NKAIN3: variants seen among roughly 807,000 people sequenced by gnomAD.
The protein encoded by NKAIN3 is sodium/potassium-transporting ATPase subunit beta-1-interacting protein 3.
In NKAIN3, 25 loss-of-function variants were observed where a neutral mutation model predicts 30.2. The observed-to-expected ratio is 0.83, with a 90% CI of 0.60 to 1.16. The LOEUF is 1.16. Ranked by LOEUF, NKAIN3 falls within the 50% of genes most tolerant of loss-of-function variation. The probability of loss-of-function intolerance (pLI) is 0.00; values close to 1 mark genes in which losing one functional copy is unlikely to be tolerated. For synonymous variants in NKAIN3, 91 were observed against 89.6 expected (o/e 1.02, Z -0.09); for missense variants, 225 against 254.1 (o/e 0.89, Z 0.78).
chr8:62,377,528 C>T (rs1585739662), intron 1 of NKAIN3, among the ~76,000 whole-genome samples: 1 of 152,132 alleles, frequency 6.6e-6, no homozygotes, highest in South Asian at 2.1e-4. Context: ...AAATAATGGG[C>T]TCTAAGTGTA....
At chr8:62,748,855 A>AGGG (rs1816173488) in intron 4 of NKAIN3, among the ~76,000 whole-genome samples, 1 of 152,168 alleles carries the variant, frequency 6.6e-6, no homozygotes, top group African/African-American at 2.4e-5. Flanking sequence ...GTATAAATAT[A>AGGG]ATATACAGTC....
chr8:62,644,392 T>G (rs953613494), intron 3 of NKAIN3, among the ~76,000 whole-genome samples: 3 of 152,016 alleles, frequency 2.0e-5, no homozygotes, highest in Middle Eastern at 3.4e-3. Context: ...ACATCCTGAT[T>G]AAGAAATATA....
rs75918270 is a variant in NKAIN3, at chr8:62,537,739, T to A, written c.55-41800T>A. ...ATATCAGTTATGAATTCTTTAAGAA[T>A]CTCAGAAAATAAATCCTATTTGACA... is the stretch of plus-strand genomic sequence containing the variant. On this transcript the variant is annotated intron_variant, in intron 1 of 6. Coordinates refer to ENST00000623646, the MANE Select transcript of NKAIN3 (RefSeq NM_001304533.3). 4.5e-3 allele frequency among the ~76,000 whole-genome samples: 689 copies of A among 152,206 alleles called. 39 individuals are homozygous for A. The East Asian group carries it at 0.11, about 24-fold the overall frequency.
chr8:62,403,749 T>A (rs1217251807), intron 1 of NKAIN3, among the ~76,000 whole-genome samples: 2 of 152,120 alleles, frequency 1.3e-5, no homozygotes, highest in African/African-American at 4.8e-5. Context: ...TAGGAAAGTG[T>A]GGAAGGGAAA....
intron 1 of NKAIN3, among the ~76,000 whole-genome samples, chr8:62,299,823 AT>A (rs1404602088): frequency 6.6e-6 from 1 of 152,078 alleles, no homozygotes; most frequent in Non-Finnish European, 1.5e-5. Context: ...CTTTATTTTT[AT>A]TGCTTTTGTC....
At chr8:62,375,479 A>C (rs1481788157) in intron 1 of NKAIN3, among the ~76,000 whole-genome samples, 1 of 152,186 alleles carries the variant, frequency 6.6e-6, no homozygotes, top group African/African-American at 2.4e-5. Context: ...AGATCTGATT[A>C]AGACATAGTT....
chr8:62,803,935 A>AC (rs1818171955), intron 4 of NKAIN3, among the ~76,000 whole-genome samples: 1 of 152,230 alleles, frequency 6.6e-6, no homozygotes, highest in Non-Finnish European at 1.5e-5. Context: ...AGGGGATATC[A>AC]CCACTGATCC....
chr8:62,885,256 G>T (rs1162479841), intron 4 of NKAIN3, among the ~76,000 whole-genome samples: 1 of 152,040 alleles, frequency 6.6e-6, no homozygotes, highest in African/African-American at 2.4e-5. Context: ...TATTTCGAAG[G>T]ATGTTGCTTA....
chr8:62,839,323 C>T (rs114720798), intron 4 of NKAIN3, among the ~76,000 whole-genome samples: 190 of 141,544 alleles, frequency 1.3e-3, no homozygotes, highest in African/African-American at 4.8e-3. Flanking sequence ...AAAACAAAAA[C>T]GACTTTCACA....
chr8:62,953,878 A>C, intron 5 of NKAIN3, 24 bp from the exon 6 acceptor site: 2 of 820,426 alleles, frequency 2.4e-6, no homozygotes, highest in South Asian at 1.1e-4. Context: ...ACACTTATTC[A>C]TATGGCCTAT....
intron 1 of NKAIN3, among the ~76,000 whole-genome samples, chr8:62,274,129 G>A (rs973633572): frequency 6.6e-6 from 1 of 152,112 alleles, no homozygotes; most frequent in African/African-American, 2.4e-5. Flanking sequence ...AGTCCAATGA[G>A]CTCTTTATCT....
chr8:62,472,364 A>G (rs1235699473), intron 1 of NKAIN3, among the ~76,000 whole-genome samples: 1 of 152,194 alleles, frequency 6.6e-6, no homozygotes, highest in Non-Finnish European at 1.5e-5. Flanking sequence ...TCAGCAAGCC[A>G]GGGTTTGAGT....
At chr8:62,600,194 T>C (rs1448137118) in intron 3 of NKAIN3, among the ~76,000 whole-genome samples, 1 of 152,066 alleles carries the variant, frequency 6.6e-6, no homozygotes, top group Non-Finnish European at 1.5e-5. Flanking sequence ...ACTTACATAT[T>C]AGTAGTCTTA....
chr8:62,477,211 G>C (rs1248509748), intron 1 of NKAIN3, among the ~76,000 whole-genome samples: 1 of 152,204 alleles, frequency 6.6e-6, no homozygotes, highest in Non-Finnish European at 1.5e-5. Flanking sequence ...TTGCAGGAAT[G>C]AGGGCAAGGA....
intron 1 of NKAIN3, among the ~76,000 whole-genome samples, chr8:62,535,007 T>G (rs1416915959): frequency 6.6e-6 from 1 of 152,160 alleles, no homozygotes; most frequent in African/African-American, 2.4e-5. Context: ...TCAAATTGAT[T>G]TGTGTGCATG....
chr8:62,304,870 C>T (rs977879071), intron 1 of NKAIN3, among the ~76,000 whole-genome samples: 1 of 150,404 alleles, frequency 6.6e-6, no homozygotes, highest in Admixed American at 6.6e-5. Flanking sequence ...AGTGGAAAAT[C>T]GATTTTGGGT....
intron 4 of NKAIN3, among the ~76,000 whole-genome samples, chr8:62,803,200 A>T (rs1425688374): frequency 6.6e-6 from 1 of 152,182 alleles, no homozygotes; most frequent in Non-Finnish European, 1.5e-5. Context: ...CATTAGACAG[A>T]TCAATGAGAC....
chr8:62,793,803 A>G (rs1001880100), intron 4 of NKAIN3, among the ~76,000 whole-genome samples: 1 of 152,132 alleles, frequency 6.6e-6, no homozygotes, highest in African/African-American at 2.4e-5. Context: ...TAAGATATGC[A>G]TCCTAAATGT....
chr8:62,639,013 T>C (rs1204978519), intron 3 of NKAIN3, among the ~76,000 whole-genome samples: 1 of 152,184 alleles, frequency 6.6e-6, no homozygotes. Flanking sequence ...TCTGCAAGTG[T>C]ACTATCTCAT....
Sources: gnomAD v4.1 joint callset for allele counts (sites outside exome capture counted in the v4.1 genomes callset) on GRCh38, gnomAD v4.1.1 for gene constraint, MANE v1.5 for transcripts, NCBI Gene and HGNC (gene_info 2026-07-23, HGNC 2026-07-21) for gene names.